The following MFHAS1 variants were observed in gnomAD, a reference collection of about 807,000 sequenced individuals.
MFHAS1 encodes the protein multifunctional ROCO family signaling regulator 1.
MFHAS1 carries 50 observed loss-of-function variants against 70.4 expected under a neutral mutation model. That is an observed-to-expected ratio of 0.71 (90% CI 0.57 to 0.90). The LOEUF is 0.90. MFHAS1 is among the 40% of genes least tolerant of loss of function. MFHAS1 has a pLI of 0.00. For missense variants in MFHAS1, 1,795 were observed against 1,347.6 expected, an observed-to-expected ratio of 1.33 and a Z score of -5.20; for synonymous variants, 952 against 620.0, an observed-to-expected ratio of 1.54 and a Z score of -7.96.
intron 1 of MFHAS1, among the ~76,000 whole-genome samples, chr8:8,888,873 C>A (rs148324864): frequency 1.5e-3 from 224 of 152,222 alleles, no homozygotes; most frequent in African/African-American, 5.0e-3. Flanking sequence ...TGTGTCACTG[C>A]AGGTTTATCA....
chr8:8,811,673 GTGGGATTTTC>G (rs1806553463), intron 1 of MFHAS1, among the ~76,000 whole-genome samples: 1 of 152,240 alleles, frequency 6.6e-6, no homozygotes, highest in Non-Finnish European at 1.5e-5. Flanking sequence ...CTCCACAAGA[GTGGGATTTTC>G]CTTACTCACT....
Position 8,784,575 on chromosome 8 carries a change from T to A in MFHAS1, c.*1447A>T, listed in dbSNP as rs1354761782. 6.6e-6 allele frequency: 1 copy of A among 152,214 alleles called. No homozygotes were observed. Among genetic ancestry groups the A allele is most frequent in the East Asian group, 1.9e-4 (1 of 5,198 alleles). The allele number at this position is 152,214 out of a possible 1,614,324, so 9.4% of individuals were successfully genotyped here. A position where few individuals can be genotyped will look rare whatever the true frequency, so the allele number is the denominator to read the frequency against. The stretch of plus-strand genomic sequence containing the variant: ...TAGCAGGGCAGTCGCTTGCTCCTTA[T>A]TTCTTTTAAAAAACATGTTGAGACT... On this transcript the variant is annotated 3_prime_UTR_variant, in exon 3 of 3. Transcript: ENST00000276282.
intron 1 of MFHAS1, among the ~76,000 whole-genome samples, chr8:8,846,432 C>T (rs938651256): frequency 1.3e-5 from 2 of 152,038 alleles, no homozygotes; most frequent in African/African-American, 2.4e-5. Flanking sequence ...TCCAAGGTAT[C>T]AGTGTTCCTT....
intron 1 of MFHAS1, among the ~76,000 whole-genome samples, chr8:8,876,664 AC>A (rs1809307524): frequency 2.6e-5 from 4 of 151,890 alleles, no homozygotes; most frequent in Admixed American, 2.6e-4. Flanking sequence ...GGTGTGAGCC[AC>A]CACACCTGGC....
At chr8:8,791,142 T>C (rs958142002) in intron 2 of MFHAS1, among the ~76,000 whole-genome samples, 3 of 138,356 alleles carry the variant, frequency 2.2e-5, no homozygotes, top group African/African-American at 8.4e-5. Context: ...TTTTTTTTTT[T>C]TGCTAATTCT....
rs182969780 is a variant in MFHAS1 at position 8,888,196 on chromosome 8, C to T, written c.2998+1865G>A. Reference sequence around the variant, plus strand: ...CATACAGAATGGATGTCTCAGTTGACTGGTAACTGAATACGCTGGCTTTTT... The same window carrying T: ...CATACAGAATGGATGTCTCAGTTGATTGGTAACTGAATACGCTGGCTTTTT... On this transcript the variant is annotated intron_variant, in intron 1 of 2. Transcript: ENST00000276282. Among the ~76,000 whole-genome samples, 258 of 152,306 alleles carry T rather than the reference C, an allele frequency of 1.7e-3. 1 individual carries two copies. Among genetic ancestry groups the T allele is most frequent in the African/African-American group, 5.9e-3 (246 of 41,550 alleles).
At position 8,867,558 on chromosome 8, in the gene MFHAS1, C is replaced by T. The variant is rs73522400; in HGVS notation, c.2998+22503G>A. 2.9e-3 allele frequency among the ~76,000 whole-genome samples: 438 copies of T among 151,584 alleles called. 4 individuals are homozygous for T. Among genetic ancestry groups the T allele is most frequent in the African/African-American group, 9.7e-3 (399 of 41,334 alleles). ...ATGATAATTCAAACATTATAAATTG[C>T]TATACTTTTTTTTTTTTTTGAGGTG... is the stretch of plus-strand genomic sequence containing the variant. On this transcript the variant is annotated intron_variant, in intron 1 of 2. Coordinates refer to ENST00000276282, the MANE Select transcript of MFHAS1 (RefSeq NM_004225.3).
intron 2 of MFHAS1, among the ~76,000 whole-genome samples, chr8:8,794,238 C>T (rs979095452): frequency 6.6e-6 from 1 of 152,062 alleles, no homozygotes; most frequent in African/African-American, 2.4e-5. Flanking sequence ...GCTTAAGTTA[C>T]CTCGGCTGGA....
intron 1 of MFHAS1, among the ~76,000 whole-genome samples, chr8:8,871,760 C>T (rs1809083709): frequency 6.6e-6 from 1 of 152,202 alleles, no homozygotes; most frequent in Admixed American, 6.5e-5. Flanking sequence ...TTAATTACAT[C>T]CAAGGCTCAG....
intron 1 of MFHAS1, among the ~76,000 whole-genome samples, chr8:8,850,257 T>C (rs1554484481): frequency 6.6e-6 from 1 of 152,224 alleles, no homozygotes; most frequent in African/African-American, 2.4e-5. Flanking sequence ...ACAGTTAAAG[T>C]TCTCTTTCAT....
intron 1 of MFHAS1, among the ~76,000 whole-genome samples, chr8:8,820,227 G>C (rs754087347): frequency 6.6e-6 from 1 of 151,588 alleles, no homozygotes; most frequent in Non-Finnish European, 1.5e-5. Context: ...CAAGTCCCCA[G>C]AGTTAGACTG....
chr8:8,829,089 A>T (rs1392842739), intron 1 of MFHAS1, among the ~76,000 whole-genome samples: 1 of 152,082 alleles, frequency 6.6e-6, no homozygotes, highest in East Asian at 1.9e-4. Flanking sequence ...CCCCCTGCCC[A>T]CTTTCCCAGC....
intron 1 of MFHAS1, among the ~76,000 whole-genome samples, chr8:8,807,070 C>A (rs1033405892): frequency 6.6e-6 from 1 of 152,074 alleles, no homozygotes; most frequent in African/African-American, 2.4e-5. Flanking sequence ...AATATGGCAC[C>A]TGAGCACGCT....
intron 1 of MFHAS1, among the ~76,000 whole-genome samples, chr8:8,813,547 G>A (rs528439124): frequency 2.6e-5 from 4 of 152,054 alleles, no homozygotes; most frequent in Admixed American, 1.3e-4. Context: ...CAATGTGTGT[G>A]TGTCTTCATT....
At position 8,890,215 on chromosome 8, in the gene MFHAS1, T is replaced by C. The variant is rs767127217; in HGVS notation, c.2844A>G (p.Ser948=). ...PDTLSIASHA[S]LPNIWTAWQA... ...GCCATGCGGTCCATATATTTGGTAA[T>C]GATGCATGGCTAGCAATGGACAGGG... is the stretch of plus-strand genomic sequence containing the variant. Residue 948 remains serine, a synonymous_variant, in exon 1 of 3, where the codon TCA becomes TCG. Transcript: ENST00000276282. The C allele has an allele frequency of 3.7e-6, 6 of 1,614,062 alleles. No individual in the cohort carries two copies. The highest frequency in any genetic ancestry group is 5.1e-6 in the Non-Finnish European group (6 of 1,180,038).
At chr8:8,830,053 G>A (rs1194088392) in intron 1 of MFHAS1, among the ~76,000 whole-genome samples, 1 of 152,182 alleles carries the variant, frequency 6.6e-6, no homozygotes, top group African/African-American at 2.4e-5. Context: ...GGAGGTCGAA[G>A]CTGCTAGTCC....
At chr8:8,829,266 C>A (rs567461490) in intron 1 of MFHAS1, among the ~76,000 whole-genome samples, 9 of 152,358 alleles carry the variant, frequency 5.9e-5, no homozygotes, top group Admixed American at 5.2e-4. Context: ...GCTGCACCCC[C>A]ACCTGGAGGT....
intron 2 of MFHAS1, among the ~76,000 whole-genome samples, chr8:8,786,557 G>A (rs140721397): frequency 1.1e-3 from 163 of 152,306 alleles, no homozygotes; most frequent in African/African-American, 3.9e-3. Flanking sequence ...TCTGGAGTCT[G>A]ATCAATATAG....
chr8:8,831,907 C>G (rs1269549956), intron 1 of MFHAS1, among the ~76,000 whole-genome samples: 1 of 152,172 alleles, frequency 6.6e-6, no homozygotes, highest in Non-Finnish European at 1.5e-5. Context: ...CTACCGCCCC[C>G]AGCCGTCAAT....
Sources: allele counts gnomAD v4.1 joint callset (sites outside exome capture counted in the v4.1 genomes callset), GRCh38; gene constraint gnomAD v4.1.1; transcripts MANE v1.5; gene names NCBI Gene and HGNC (gene_info 2026-07-23, HGNC 2026-07-21).